The following SH3GL3 variants were observed in gnomAD, a reference collection of about 807,000 sequenced individuals.
SH3GL3 encodes the protein endophilin-A3.
In SH3GL3, 33 loss-of-function variants were observed where a neutral mutation model predicts 47.7. The observed-to-expected ratio is 0.69, with a 90% CI of 0.52 to 0.92. The LOEUF is 0.92. SH3GL3 is among the 40% of genes least tolerant of loss of function. The probability of loss-of-function intolerance (pLI) is 0.00; values close to 1 mark genes in which losing one functional copy is unlikely to be tolerated. For synonymous variants in SH3GL3, 155 were observed against 148.8 expected (o/e 1.04, Z -0.30); for missense variants, 363 against 417.8 (o/e 0.87, Z 1.14).
At chr15:83,493,745 C>A (rs1315625492) in intron 1 of SH3GL3, among the ~76,000 whole-genome samples, 1 of 143,726 alleles carries the variant, frequency 7.0e-6, no homozygotes, top group East Asian at 2.4e-4. Flanking sequence ...GTGGTCTCGA[C>A]TGTTAAGTAC....
intron 1 of SH3GL3, among the ~76,000 whole-genome samples, chr15:83,493,486 C>T (rs1223051325): frequency 6.6e-6 from 1 of 152,214 alleles, no homozygotes; most frequent in Non-Finnish European, 1.5e-5. Context: ...TCGGCTCTGT[C>T]TTGGGGATCA....
At chr15:83,476,835 A>G (rs1248521417) in intron 1 of SH3GL3, among the ~76,000 whole-genome samples, 2 of 152,224 alleles carry the variant, frequency 1.3e-5, no homozygotes, top group Non-Finnish European at 2.9e-5. Context: ...TTTCTGGACT[A>G]TAAGTCTGGG....
At chr15:83,482,783 C>T (rs150880901) in intron 1 of SH3GL3, among the ~76,000 whole-genome samples, 253 of 152,058 alleles carry the variant, frequency 1.7e-3, no homozygotes, top group South Asian at 4.0e-3. Flanking sequence ...TGAGGCACCG[C>T]GCTCGGCTGA....
chr15:83,504,436 A>G (rs1416227873), intron 1 of SH3GL3, among the ~76,000 whole-genome samples: 2 of 152,238 alleles, frequency 1.3e-5, no homozygotes. Context: ...GACCAATAGA[A>G]TATACAGAAA....
chr15:83,475,349 C>T (rs922129876), intron 1 of SH3GL3, among the ~76,000 whole-genome samples: 2 of 151,770 alleles, frequency 1.3e-5, no homozygotes, highest in Non-Finnish European at 2.9e-5. Flanking sequence ...CGGGGTGTTG[C>T]GTGCCTGTAA....
intron 1 of SH3GL3, among the ~76,000 whole-genome samples, chr15:83,479,331 ATG>A (rs149147202): frequency 2.0e-4 from 30 of 149,256 alleles, no homozygotes; most frequent in Admixed American, 6.0e-4. Context: ...GAGCGTGTGC[ATG>A]TGTGTGTGTG....
At chr15:83,566,734 C>G (rs2045565279) in intron 3 of SH3GL3, among the ~76,000 whole-genome samples, 1 of 152,164 alleles carries the variant, frequency 6.6e-6, no homozygotes, top group Admixed American at 6.5e-5. Flanking sequence ...CATGATCATA[C>G]CACTGCACTA....
chr15:83,607,734 G>A (rs2060557327), intron 8 of SH3GL3, among the ~76,000 whole-genome samples: 2 of 151,962 alleles, frequency 1.3e-5, no homozygotes, highest in African/African-American at 4.8e-5. Flanking sequence ...CAAGGAGCAG[G>A]CCAGACGAGG....
intron 4 of SH3GL3, among the ~76,000 whole-genome samples, chr15:83,569,706 A>G (rs1182567751): frequency 6.6e-6 from 1 of 152,194 alleles, no homozygotes; most frequent in African/African-American, 2.4e-5. Flanking sequence ...ATAACTGATC[A>G]TTTGATATGT....
At chr15:83,542,698 T>G (rs1323159880) in intron 1 of SH3GL3, among the ~76,000 whole-genome samples, 1 of 152,178 alleles carries the variant, frequency 6.6e-6, no homozygotes, top group Non-Finnish European at 1.5e-5. Flanking sequence ...TTGGGTTAAT[T>G]CTTAGGTATT....
intron 1 of SH3GL3, among the ~76,000 whole-genome samples, chr15:83,521,395 G>A (rs2151652174): frequency 6.6e-6 from 1 of 152,266 alleles, no homozygotes; most frequent in Admixed American, 6.5e-5. Flanking sequence ...AAAGGGAAGA[G>A]GTGGCAATAT....
chr15:83,583,139 C>T (rs1003324579), intron 6 of SH3GL3, among the ~76,000 whole-genome samples: 4 of 152,168 alleles, frequency 2.6e-5, no homozygotes, highest in Admixed American at 6.5e-5. Flanking sequence ...AATGGCTTGT[C>T]GTCTTTTGAA....
chr15:83,510,182 T>C (rs2042689547), intron 1 of SH3GL3, among the ~76,000 whole-genome samples: 1 of 152,150 alleles, frequency 6.6e-6, no homozygotes, highest in South Asian at 2.1e-4. Flanking sequence ...AGCAACTCTG[T>C]AATATAGCTC....
At chr15:83,478,050 G>A (rs76737213) in intron 1 of SH3GL3, among the ~76,000 whole-genome samples, 3,662 of 152,156 alleles carry the variant, frequency 0.024, 118 homozygotes, top group East Asian at 0.12. Context: ...GATGTGAGGT[G>A]GGTGAGGGAG....
intron 1 of SH3GL3, chr15:83,490,678 C>A (rs2041838070): frequency 8.2e-7 from 1 of 1,221,422 alleles, no homozygotes; most frequent in African/African-American, 1.5e-5. Flanking sequence ...ATAGCACCTG[C>A]ACATCAGGGA....
chr15:83,543,651 C>G (rs1020803157), intron 1 of SH3GL3, among the ~76,000 whole-genome samples: 1 of 151,758 alleles, frequency 6.6e-6, no homozygotes, highest in Non-Finnish European at 1.5e-5. Flanking sequence ...TGCCAGAAGA[C>G]TTTGTATTTC....
At chr15:83,594,409 A>C (rs2060188473) in intron 8 of SH3GL3, among the ~76,000 whole-genome samples, 2 of 152,224 alleles carry the variant, frequency 1.3e-5, no homozygotes. Flanking sequence ...AGCACAGGGC[A>C]TTCCCATATA....
At chr15:83,507,157 C>G (rs2042545329) in intron 1 of SH3GL3, among the ~76,000 whole-genome samples, 1 of 151,958 alleles carries the variant, frequency 6.6e-6, no homozygotes. Flanking sequence ...AGGCGCCCAC[C>G]ACCATGCCTG....
intron 1 of SH3GL3, among the ~76,000 whole-genome samples, chr15:83,542,890 T>A (rs750403657): frequency 6.6e-6 from 1 of 152,220 alleles, no homozygotes; most frequent in Non-Finnish European, 1.5e-5. Flanking sequence ...TTTCCAAATA[T>A]AAGATCATGT....
Sources: allele counts gnomAD v4.1 joint callset (sites outside exome capture counted in the v4.1 genomes callset), GRCh38; gene constraint gnomAD v4.1.1; transcripts MANE v1.5; gene names NCBI Gene and HGNC (gene_info 2026-07-23, HGNC 2026-07-21).